The following DCLK1 variants were observed in gnomAD, a reference collection of about 807,000 sequenced individuals.
DCLK1 encodes the protein doublecortin like kinase 1.
In DCLK1, 16 loss-of-function variants were observed where a neutral mutation model predicts 86.2. The ratio of observed to expected loss-of-function variants is 0.19; its 90% CI spans 0.13 to 0.28. DCLK1 has a LOEUF of 0.28. Among genes scored for constraint, DCLK1 ranks in the 10% least tolerant of loss-of-function variants. The pLI is 1.00. For synonymous variants in DCLK1, 369 were observed against 370.5 expected (o/e 1.00, Z 0.05); for missense variants, 590 against 940.2 (o/e 0.63, Z 4.87).
At chr13:35,825,218 C>A (rs1017778814) in intron 10 of DCLK1, among the ~76,000 whole-genome samples, 1 of 152,172 alleles carries the variant, frequency 6.6e-6, no homozygotes, top group Non-Finnish European at 1.5e-5. Flanking sequence ...ATACCCCACC[C>A]ACATGTCTCA....
At chr13:35,854,644 T>A (rs1472568699) in intron 5 of DCLK1, 51 bp from the exon 6 acceptor site, 1 of 1,457,374 alleles carries the variant, frequency 6.9e-7, no homozygotes, top group Non-Finnish European at 9.3e-7. Context: ...TTAAATAATT[T>A]TCATGACAAA....
chr13:35,923,391 A>G (rs1250197869), intron 4 of DCLK1, among the ~76,000 whole-genome samples: 1 of 149,410 alleles, frequency 6.7e-6, no homozygotes, highest in Admixed American at 6.7e-5. Flanking sequence ...TTTTTTTACC[A>G]CCTTTCCCCT....
At chr13:35,862,587 A>C (rs909787036) in intron 5 of DCLK1, among the ~76,000 whole-genome samples, 3 of 152,148 alleles carry the variant, frequency 2.0e-5, no homozygotes, top group African/African-American at 7.2e-5. Flanking sequence ...TAATACCTAC[A>C]ATCTACAGCA....
At chr13:35,804,726 C>G (rs187425520) in intron 15 of DCLK1, among the ~76,000 whole-genome samples, 1 of 152,336 alleles carries the variant, frequency 6.6e-6, no homozygotes, top group African/African-American at 2.4e-5. Flanking sequence ...AGGCACTGCG[C>G]CCAGCCAACT....
At chr13:35,824,780 C>A (rs181075725) in intron 10 of DCLK1, among the ~76,000 whole-genome samples, 2 of 152,282 alleles carry the variant, frequency 1.3e-5, no homozygotes, top group East Asian at 3.9e-4. Flanking sequence ...TATATTCTGC[C>A]CCAACCTTCA....
intron 15 of DCLK1, among the ~76,000 whole-genome samples, chr13:35,799,495 C>T (rs937219315): frequency 1.3e-5 from 2 of 152,176 alleles, no homozygotes; most frequent in Admixed American, 1.3e-4. Flanking sequence ...AGGTTATCTG[C>T]CCGCCTCGGC....
At chr13:35,926,614 C>A (rs1238833965) in intron 4 of DCLK1, among the ~76,000 whole-genome samples, 1 of 152,182 alleles carries the variant, frequency 6.6e-6, no homozygotes, top group Non-Finnish European at 1.5e-5. Flanking sequence ...CTAAAGATCT[C>A]AAATTTGCTC....
intron 4 of DCLK1, among the ~76,000 whole-genome samples, chr13:35,926,520 T>C (rs923874858): frequency 3.3e-5 from 5 of 152,238 alleles, no homozygotes; most frequent in Non-Finnish European, 5.9e-5. Context: ...GTGGATGGCC[T>C]CTTCCTGGGA....
chr13:35,784,141 T>C (rs2086578533), intron 16 of DCLK1, among the ~76,000 whole-genome samples: 1 of 152,290 alleles, frequency 6.6e-6, no homozygotes, highest in Admixed American at 6.5e-5. Context: ...TACTTTTAAG[T>C]CAAAATGAGG....
chr13:35,843,657 T>C (rs368722243), intron 6 of DCLK1, among the ~76,000 whole-genome samples: 6 of 152,196 alleles, frequency 3.9e-5, no homozygotes, highest in African/African-American at 1.2e-4. Context: ...ATTGATCTAA[T>C]CAAGGTAGAA....
At chr13:35,885,157 T>G (rs534327480) in intron 4 of DCLK1, among the ~76,000 whole-genome samples, 2 of 152,158 alleles carry the variant, frequency 1.3e-5, no homozygotes, top group African/African-American at 2.4e-5. Flanking sequence ...GAATGAGGTA[T>G]CTGTGTTTGG....
rs1416196297 is a variant in DCLK1 at position 35,937,237 on chromosome 13, T to A, written c.823+10121A>T. On this transcript the variant is annotated intron_variant, in intron 4 of 16. Transcript: ENST00000360631. ...ATCCGCCCGCCTCAGCCTCCCAAAG[T>A]GCTGGGATTGCAGGCGTGAGCCACC... Among the ~76,000 whole-genome samples, 4 of 151,928 alleles carry A rather than the reference T, an allele frequency of 2.6e-5. No homozygotes were observed. In the East Asian group the frequency reaches 5.8e-4, roughly 22 times the overall value.
Position 36,005,849 on chromosome 13 carries a change from G to A in DCLK1, c.724-58392C>T, listed in dbSNP as rs186447211. ...ACTATGCAGCCATAAAAAAGAATGA[G>A]TTCATGTCCTTTGCAGGGACATGGA... On this transcript the variant is annotated intron_variant, in intron 3 of 16. Transcript: ENST00000360631. Among the ~76,000 whole-genome samples, 376 of 152,274 alleles carry A rather than the reference G, an allele frequency of 2.5e-3. 9 individuals carry two copies. The highest frequency in any genetic ancestry group is 1.8e-4 in the Non-Finnish European group (12 of 68,030).
intron 4 of DCLK1, among the ~76,000 whole-genome samples, chr13:35,926,583 A>G (rs904305040): frequency 6.6e-6 from 1 of 152,206 alleles, no homozygotes; most frequent in African/African-American, 2.4e-5. Context: ...GTTCAGATAA[A>G]TGTTTGTTAA....
At chr13:36,021,664 T>G (rs1319956128) in intron 3 of DCLK1, among the ~76,000 whole-genome samples, 2 of 152,074 alleles carry the variant, frequency 1.3e-5, no homozygotes, top group Admixed American at 1.3e-4. Context: ...AGGACATTTT[T>G]TAACGACAAA....
intron 4 of DCLK1, among the ~76,000 whole-genome samples, chr13:35,938,798 C>T (rs1876915820): frequency 6.6e-6 from 1 of 152,006 alleles, no homozygotes; most frequent in African/African-American, 2.4e-5. Context: ...CTTTAGTGTC[C>T]AGGATTCACC....
intron 3 of DCLK1, among the ~76,000 whole-genome samples, chr13:36,104,537 G>A (rs960056421): frequency 3.3e-5 from 5 of 152,176 alleles, no homozygotes; most frequent in Admixed American, 2.6e-4. Flanking sequence ...GCTGAATCTT[G>A]AGAAATGAGT....
At chr13:35,870,438 C>T (rs764372991) in intron 5 of DCLK1, among the ~76,000 whole-genome samples, 16 of 152,136 alleles carry the variant, frequency 1.1e-4, no homozygotes, top group Non-Finnish European at 1.9e-4. Flanking sequence ...AAAAGAAGGC[C>T]CCCAAGTAGG....
chr13:35,982,421 AGAGAGAGAGAGGGGGAGGGAGG>A (rs1879692824), intron 3 of DCLK1, among the ~76,000 whole-genome samples: 1 of 40,142 alleles, frequency 2.5e-5, no homozygotes, highest in African/African-American at 7.7e-5. Context: ...AGAGAGAGAG[AGAGAGAGAGAGGGGGAGGGAGG>A]GAGGGAGGGA....
Sources: allele counts gnomAD v4.1 joint callset (sites outside exome capture counted in the v4.1 genomes callset), GRCh38; gene constraint gnomAD v4.1.1; transcripts MANE v1.5; gene names NCBI Gene and HGNC (gene_info 2026-07-23, HGNC 2026-07-21).